TTC28: variants seen among roughly 807,000 people sequenced by gnomAD.
The protein encoded by TTC28 is tetratricopeptide repeat protein 28.
TTC28 carries 61 observed loss-of-function variants against 198.0 expected under a neutral mutation model. That is an observed-to-expected ratio of 0.31 (90% CI 0.25 to 0.38). The LOEUF (loss-of-function observed/expected upper bound fraction) is 0.38, where lower values mean the gene tolerates loss of function less well. Among genes scored for constraint, TTC28 ranks in the 10% least tolerant of loss-of-function variants. The probability of loss-of-function intolerance (pLI) is 1.00; values close to 1 mark genes in which losing one functional copy is unlikely to be tolerated. For synonymous variants in TTC28, 1,171 were observed against 1,297.8 expected (o/e 0.90, Z 2.10); for missense variants, 2,678 against 3,164.0 (o/e 0.85, Z 3.69).
chr22:28,590,053 A>AAAAAAAAAAAAAAAAAAAAAC (rs2050398150), intron 2 of TTC28, among the ~76,000 whole-genome samples: 1 of 129,414 alleles, frequency 7.7e-6, no homozygotes, highest in Non-Finnish European at 1.8e-5. Context: ...AAAAAAAAAA[A>AAAAAAAAAAAAAAAAAAAAAC]AAAAAAAAAC....
chr22:28,615,106 A>G (rs1297936062), intron 2 of TTC28, among the ~76,000 whole-genome samples: 1 of 152,210 alleles, frequency 6.6e-6, no homozygotes, highest in African/African-American at 2.4e-5. Flanking sequence ...TTACAAGAAA[A>G]AAAACAAAAA....
At chr22:28,259,456 T>G (rs749388461) in intron 5 of TTC28, among the ~76,000 whole-genome samples, 1 of 152,192 alleles carries the variant, frequency 6.6e-6, no homozygotes, top group Non-Finnish European at 1.5e-5. Flanking sequence ...TTTGGACTTA[T>G]AGAGTACTAG....
chr22:28,017,436 G>A (rs1286137889), intron 13 of TTC28, among the ~76,000 whole-genome samples: 4 of 152,238 alleles, frequency 2.6e-5, no homozygotes, highest in Non-Finnish European at 4.4e-5. Flanking sequence ...ACTGCTGGTC[G>A]GGCTGAGCTG....
At chr22:28,030,435 G>C in intron 12 of TTC28, 69 bp from the exon 13 acceptor site, 1 of 1,529,874 alleles carries the variant, frequency 6.5e-7, no homozygotes, top group Non-Finnish European at 8.8e-7. Flanking sequence ...TCAGCTCTGA[G>C]GTCCTATGCC....
chr22:28,130,735 ACC>A (rs1220671998), intron 6 of TTC28, among the ~76,000 whole-genome samples: 1 of 152,164 alleles, frequency 6.6e-6, no homozygotes, highest in Non-Finnish European at 1.5e-5. Context: ...GGACTGGATC[ACC>A]TCAATTGTTG....
chr22:28,158,331 T>C (rs1021928573), intron 6 of TTC28, among the ~76,000 whole-genome samples: 2 of 152,044 alleles, frequency 1.3e-5, no homozygotes, highest in African/African-American at 2.4e-5. Flanking sequence ...ATGTCCATAC[T>C]ACCCAAAGCA....
chr22:28,606,037 G>A (rs1167460460), intron 2 of TTC28, among the ~76,000 whole-genome samples: 1 of 151,158 alleles, frequency 6.6e-6, no homozygotes, highest in East Asian at 1.9e-4. Context: ...TGTATACATA[G>A]ATCAAAACAT....
chr22:28,530,900 T>C (rs1179153976), intron 2 of TTC28, among the ~76,000 whole-genome samples: 2 of 152,126 alleles, frequency 1.3e-5, no homozygotes, highest in African/African-American at 4.8e-5. Context: ...ACAAAGCTCC[T>C]GGAGGAAGCA....
At position 28,299,986 on chromosome 22, in the gene TTC28, C is replaced by T. The variant is rs533653161; in HGVS notation, c.530-2134G>A. Among the ~76,000 whole-genome samples, 3 of 152,268 alleles carry T rather than the reference C, an allele frequency of 2.0e-5. No individual in the cohort carries two copies. In the South Asian group the frequency reaches 6.2e-4, roughly 32 times the overall value. On this transcript the variant is annotated intron_variant, in intron 3 of 22. Transcript: ENST00000397906. ...CCCTCAGTCAAAATCATACCACAAA[C>T]GCTGCCTGGTGAAGGCAGCATAACC...
rs1284030048 is a variant in TTC28 at position 28,304,078 on chromosome 22, G to A, written c.529+2418C>T. Among the ~76,000 whole-genome samples, 11 of 152,100 alleles carry A rather than the reference G, an allele frequency of 7.2e-5. No homozygotes were observed. The East Asian group carries it at 1.7e-3, about 24-fold the overall frequency. On this transcript the variant is annotated intron_variant, in intron 3 of 22. Coordinates refer to ENST00000397906, the MANE Select transcript of TTC28 (RefSeq NM_001145418.2). The stretch of plus-strand genomic sequence containing the variant: ...AGGTGGGAGGATCACGAGGTCAGGA[G>A]ATCGAGACCATCCTGGCTAACACGA...
intron 5 of TTC28, among the ~76,000 whole-genome samples, chr22:28,185,990 A>ATCT (rs1328032871): frequency 6.6e-6 from 1 of 152,224 alleles, no homozygotes; most frequent in Non-Finnish European, 1.5e-5. Flanking sequence ...AGGCAAGGAC[A>ATCT]TCTTCTCTAA....
intron 13 of TTC28, among the ~76,000 whole-genome samples, chr22:28,026,103 C>T (rs1023259060): frequency 2.0e-5 from 3 of 152,214 alleles, no homozygotes; most frequent in South Asian, 2.1e-4. Flanking sequence ...GGCTTTCACG[C>T]GTGGATTTGG....
intron 5 of TTC28, among the ~76,000 whole-genome samples, chr22:28,169,400 A>G (rs1314052065): frequency 1.3e-5 from 2 of 152,238 alleles, no homozygotes; most frequent in Non-Finnish European, 2.9e-5. Context: ...TACTCACAAT[A>G]GCAAAGACTT....
At chr22:28,318,716 G>A (rs1410068039) in intron 2 of TTC28, among the ~76,000 whole-genome samples, 3 of 149,126 alleles carry the variant, frequency 2.0e-5, no homozygotes, top group African/African-American at 7.4e-5. Context: ...TTCTTTTCCT[G>A]TTTTTTCATT....
intron 4 of TTC28, among the ~76,000 whole-genome samples, chr22:28,297,029 A>C (rs183077723): frequency 1.2e-4 from 19 of 152,296 alleles, no homozygotes; most frequent in Non-Finnish European, 2.4e-4. Flanking sequence ...TGAAAGATTG[A>C]CCCAACAATG....
At chr22:28,674,658 A>T (rs1455670228) in intron 1 of TTC28, among the ~76,000 whole-genome samples, 1 of 151,864 alleles carries the variant, frequency 6.6e-6, no homozygotes, top group African/African-American at 2.4e-5. Context: ...TGTCTCTACT[A>T]AAAATACAAA....
At chr22:28,533,223 A>T (rs1411486877) in intron 2 of TTC28, among the ~76,000 whole-genome samples, 1 of 152,222 alleles carries the variant, frequency 6.6e-6, no homozygotes, top group Non-Finnish European at 1.5e-5. Context: ...AGGATAAAAA[A>T]ATCAATGTGC....
chr22:27,990,833 G>T lies in TTC28; in HGVS notation c.5554-21C>A. ...ACAGCCTTCGGCCAGCAGATTATAAGAAAAAGAAAGAAAGAGAGAAAGAAG... is the reference window on the plus strand; with the variant it reads ...ACAGCCTTCGGCCAGCAGATTATAATAAAAAGAAAGAAAGAGAGAAAGAAG... On this transcript the variant is annotated intron_variant, in intron 19 of 22. Coordinates refer to ENST00000397906, the MANE Select transcript of TTC28 (RefSeq NM_001145418.2). 6.5e-7 allele frequency: 1 copy of T among 1,545,980 alleles called. No individual in the cohort carries two copies. Among genetic ancestry groups the T allele is most frequent in the Non-Finnish European group, 8.7e-7 (1 of 1,146,244 alleles).
intron 6 of TTC28, among the ~76,000 whole-genome samples, chr22:28,162,081 C>T (rs560824040): frequency 1.3e-5 from 2 of 152,294 alleles, no homozygotes; most frequent in African/African-American, 2.4e-5. Flanking sequence ...TTAGCTCATA[C>T]TTCCAAACAC....
Sources: gnomAD v4.1 joint callset for allele counts (sites outside exome capture counted in the v4.1 genomes callset) on GRCh38, gnomAD v4.1.1 for gene constraint, MANE v1.5 for transcripts, NCBI Gene and HGNC (gene_info 2026-07-23, HGNC 2026-07-21) for gene names.